The following VBP1 variants were observed in gnomAD, a reference collection of about 807,000 sequenced individuals.
VBP1 encodes the protein VHL binding protein 1.
A neutral mutation model predicts 15.5 loss-of-function variants in VBP1; 4 were observed. That is an observed-to-expected ratio of 0.26 (90% CI 0.13 to 0.59). VBP1 has a LOEUF of 0.59. Ranked by LOEUF, VBP1 falls within the 20% of genes least tolerant of loss-of-function variation. VBP1 has a pLI of 0.90. For synonymous variants in VBP1, 61 were observed against 52.1 expected (o/e 1.17, Z -0.74); for missense variants, 108 against 139.6 (o/e 0.77, Z 1.14).
chrX:155,201,983 C>G (rs1422795026), intron 1 of VBP1, among the ~76,000 whole-genome samples: 5 of 111,257 alleles, frequency 4.5e-5, no homozygotes, highest in Non-Finnish European at 9.4e-5. Flanking sequence ...AACAGAGAGC[C>G]AAATCATGAG....
chrX:155,233,549 CTCA>C (rs782254944), intron 4 of VBP1, among the ~76,000 whole-genome samples: 15 of 112,425 alleles, frequency 1.3e-4, no homozygotes, highest in Admixed American at 7.5e-4. Context: ...ATGTAAATAT[CTCA>C]TCAGAGTCAC....
chrX:155,205,598 T>C (rs1171287593), intron 1 of VBP1, among the ~76,000 whole-genome samples: 1 of 111,958 alleles, frequency 8.9e-6, no homozygotes, highest in African/African-American at 3.2e-5. Flanking sequence ...TCCCTGCTTC[T>C]GCCCTTGCTC....
upstream of VBP1, among the ~76,000 whole-genome samples, chrX:155,214,138 A>G (rs1557308776): frequency 8.9e-6 from 1 of 112,806 alleles, no homozygotes; most frequent in Non-Finnish European, 1.9e-5. Context: ...TTTGAAAACC[A>G]TTATCCAATT....
intron 1 of VBP1, among the ~76,000 whole-genome samples, chrX:155,199,078 A>G (rs1413955028): frequency 9.0e-6 from 1 of 111,341 alleles, no homozygotes; most frequent in Non-Finnish European, 1.9e-5. Context: ...AAAAGAAATG[A>G]ACAAGGCCTC....
rs782434281 is a variant in VBP1, at chrX:155,225,753, ATCTT to A, written c.219-1478_219-1475del. 5.3e-5 allele frequency among the ~76,000 whole-genome samples: 6 copies of A among 112,599 alleles called. No individual in the cohort carries two copies. The South Asian group carries it at 2.2e-3, about 40-fold the overall frequency. On this transcript the variant is annotated intron_variant, in intron 2 of 5. Transcript: ENST00000286428. ...ATCACATATTTTACAAATGTATAAC[ATCTT>A]TCTGTTTACCTATATGAACATATCA... is the stretch of plus-strand genomic sequence containing the variant.
intron 2 of VBP1, among the ~76,000 whole-genome samples, chrX:155,226,364 A>G (rs1557310263): frequency 8.9e-6 from 1 of 112,124 alleles, no homozygotes; most frequent in Non-Finnish European, 1.9e-5. Context: ...GCTAGTAGCT[A>G]TCATATAACT....
In VBP1 at chrX:155,220,261, C is replaced by A; in HGVS notation, c.172C>A (p.Gln58Lys). 8.4e-7 allele frequency: 1 copy of A among 1,190,639 alleles called. No individual in the cohort carries two copies. The highest frequency in any genetic ancestry group is 1.1e-6 in the Non-Finnish European group (1 of 885,957). The change falls in exon 2 of 6, where the codon CAG becomes AAG. Residue 58 changes from glutamine to lysine, a missense_variant. Physicochemically the swap from Gln to Lys is moderately conservative, Grantham distance 53. Coordinates refer to ENST00000286428, the MANE Select transcript of VBP1 (RefSeq NM_003372.7). ...TVLKKLDEQY[Q>K]KYKFMELNLA... Reference sequence around the variant, plus strand: ...ATTAAAGAAGCTGGATGAACAGTACCAGAAGTATAAGTTTATGGAACTCAA... The same window carrying A: ...ATTAAAGAAGCTGGATGAACAGTACAAGAAGTATAAGTTTATGGAACTCAA...
At position 155,206,433 on chromosome X, in the gene VBP1, A is replaced by G. The variant is rs186736482; in HGVS notation, c.-30-2441A>G. On this transcript the variant is annotated intron_variant, in intron 1 of 6. Coordinates refer to the VBP1 transcript ENST00000535916. ...ATATTTTTAGTAGAGATGGGGTTTC[A>G]CCGTGTTAGCCAGGATGGTCTCAAT... Among the ~76,000 whole-genome samples the G allele has an allele frequency of 2.7e-5, 3 of 110,419 alleles. No individual in the cohort carries two copies. The East Asian group carries it at 8.5e-4, about 31-fold the overall frequency.
chrX:155,215,427 C>T (rs1181118966), upstream of VBP1, among the ~76,000 whole-genome samples: 1 of 111,787 alleles, frequency 8.9e-6, no homozygotes, highest in Admixed American at 9.5e-5. Flanking sequence ...TTTGGAATTC[C>T]GGCTTCACTA....
At chrX:155,206,725 C>T (rs2074627841) in intron 1 of VBP1, among the ~76,000 whole-genome samples, 1 of 110,780 alleles carries the variant, frequency 9.0e-6, no homozygotes, top group African/African-American at 3.3e-5. Context: ...AAGGAACCTG[C>T]AAAAGAGGTG....
At chrX:155,214,505 C>T (rs1201764757), upstream of VBP1, among the ~76,000 whole-genome samples, 3 of 112,258 alleles carry the variant, frequency 2.7e-5, no homozygotes, top group African/African-American at 6.5e-5. Flanking sequence ...CACAACACTA[C>T]GTGAAATGAT....
intron 4 of VBP1, among the ~76,000 whole-genome samples, chrX:155,233,129 A>G (rs1001224265): frequency 1.8e-4 from 20 of 112,574 alleles, no homozygotes; most frequent in African/African-American, 6.1e-4. Flanking sequence ...TCCTAGCTGT[A>G]TAGGTCAGAA....
At chrX:155,217,344 A>AT (rs1397858182) in intron 1 of VBP1, among the ~76,000 whole-genome samples, 1 of 112,093 alleles carries the variant, frequency 8.9e-6, no homozygotes, top group African/African-American at 3.2e-5. Context: ...CTTTTTAAAA[A>AT]TTTTATTTTA....
intron 1 of VBP1, among the ~76,000 whole-genome samples, chrX:155,206,041 G>A (rs2074624970): frequency 8.9e-6 from 1 of 111,809 alleles, no homozygotes; most frequent in Non-Finnish European, 1.9e-5. Context: ...TAGGAATATG[G>A]CAATAATTAA....
intron 1 of VBP1, among the ~76,000 whole-genome samples, chrX:155,199,587 C>A (rs1361872195): frequency 1.8e-4 from 20 of 111,476 alleles, no homozygotes; most frequent in African/African-American, 6.2e-4. Flanking sequence ...CAGGCCTGCC[C>A]TAAAAGAGCT....
intron 1 of VBP1, among the ~76,000 whole-genome samples, chrX:155,200,256 G>A (rs2074597132): frequency 9.4e-6 from 1 of 106,496 alleles, no homozygotes; most frequent in South Asian, 4.4e-4. Context: ...GCACCAAGCG[G>A]ACCTAATAGA....
At chrX:155,202,110 A>G (rs1447618527) in intron 1 of VBP1, among the ~76,000 whole-genome samples, 6 of 111,772 alleles carry the variant, frequency 5.4e-5, no homozygotes, top group African/African-American at 1.6e-4. Context: ...GAAATAAAAG[A>G]GGATACAAAG....
chrX:155,209,198 C>T (rs2074636570), intron 2 of VBP1, among the ~76,000 whole-genome samples: 1 of 112,463 alleles, frequency 8.9e-6, no homozygotes, highest in Non-Finnish European at 1.9e-5. Context: ...TGTTAAGCCT[C>T]AACTGGCTTC....
Position 155,228,525 on chromosome X carries a change from G to T in VBP1, c.384+43G>T, listed in dbSNP as rs782517751. 3.1e-5 allele frequency: 33 copies of T among 1,080,656 alleles called. No homozygotes were observed. The African/African-American group carries it at 3.5e-4, about 12-fold the overall frequency. The allele number at this position is 1,080,656 out of a possible 1,213,427, so 89.1% of individuals were successfully genotyped here. A position where few individuals can be genotyped will look rare whatever the true frequency, so the allele number is the denominator to read the frequency against. On this transcript the variant is annotated intron_variant, in intron 4 of 5. Transcript: ENST00000286428. The stretch of plus-strand genomic sequence containing the variant: ...CCACAGCTGATATATTTGTAAACCA[G>T]TGTGTTTTCTGTAGCAAACACACTG...
Sources: gnomAD v4.1 joint callset for allele counts (sites outside exome capture counted in the v4.1 genomes callset) on GRCh38, gnomAD v4.1.1 for gene constraint, MANE v1.5 for transcripts, NCBI Gene and HGNC (gene_info 2026-07-23, HGNC 2026-07-21) for gene names.